Variants in ENOX2 observed in about 807,000 individuals in gnomAD.
ENOX2 encodes the protein ecto-NOX disulfide-thiol exchanger 2.
A neutral mutation model predicts 45.0 loss-of-function variants in ENOX2; 36 were observed. The ratio of observed to expected loss-of-function variants is 0.80; its 90% confidence interval spans 0.61 to 1.06. The LOEUF is 1.06. Among genes scored for constraint, ENOX2 ranks in the 50% least tolerant of loss-of-function variants. The probability of loss-of-function intolerance (pLI) is 0.00; values close to 1 mark genes in which losing one functional copy is unlikely to be tolerated. For missense variants in ENOX2, 423 were observed against 462.5 expected, an observed-to-expected ratio of 0.91 and a Z score of 0.78; for synonymous variants, 174 against 152.3, an observed-to-expected ratio of 1.14 and a Z score of -1.05.
rs767215597 is a variant in ENOX2 at position 130,790,677 on chromosome X, AC to A, written c.-182-6988del. On this transcript the variant is annotated intron_variant, in intron 2 of 14. Transcript: ENST00000394363. ...TTTCCTACCTCCACACCTTTGGCTCACACTGCTCCTCCACCTGCTTCTTAAT... is the reference window on the plus strand; with the variant it reads ...TTTCCTACCTCCACACCTTTGGCTCAACTGCTCCTCCACCTGCTTCTTAAT... 8.0e-4 allele frequency among the ~76,000 whole-genome samples: 89 copies of A among 111,879 alleles called. 1 individual carries two copies. The highest frequency in any genetic ancestry group is 1.6e-3 in the Non-Finnish European group (83 of 53,172).
intron 6 of ENOX2, among the ~76,000 whole-genome samples, chrX:130,675,872 G>C (rs1385275611): frequency 8.9e-6 from 1 of 111,787 alleles, no homozygotes; most frequent in Admixed American, 9.5e-5. Flanking sequence ...TTTGAAATAT[G>C]TTAAGATCAT....
intron 2 of ENOX2, among the ~76,000 whole-genome samples, chrX:130,846,583 C>T (rs1354073915): frequency 1.8e-5 from 2 of 112,028 alleles, no homozygotes; most frequent in African/African-American, 3.2e-5. Context: ...GTGATCTGCT[C>T]GCATCAGCCT....
chrX:130,830,608 T>C (rs2148484459), intron 2 of ENOX2, among the ~76,000 whole-genome samples: 1 of 112,465 alleles, frequency 8.9e-6, no homozygotes, highest in African/African-American at 3.2e-5. Context: ...TTTCTTCTTC[T>C]GCATCATCAT....
intron 2 of ENOX2, among the ~76,000 whole-genome samples, chrX:130,857,951 T>C (rs1036785811): frequency 2.7e-5 from 3 of 110,886 alleles, no homozygotes; most frequent in African/African-American, 9.8e-5. Flanking sequence ...AATAGATCCA[T>C]AGGGACTACT....
chrX:130,692,471 A>G (rs779135253), intron 4 of ENOX2, among the ~76,000 whole-genome samples: 21 of 110,687 alleles, frequency 1.9e-4, no homozygotes, highest in Non-Finnish European at 3.8e-4. Context: ...ATCCTGTTCT[A>G]TTTTGCTTTT....
At chrX:130,688,044 C>T (rs141345350) in intron 5 of ENOX2, among the ~76,000 whole-genome samples, 2 of 112,379 alleles carry the variant, frequency 1.8e-5, no homozygotes, top group Non-Finnish European at 3.8e-5. Flanking sequence ...AATCTTTGTA[C>T]TGCAGTGGTG....
intron 6 of ENOX2, 77 bp downstream of exon 6, chrX:130,679,465 G>A: frequency 2.3e-6 from 2 of 876,000 alleles, no homozygotes; most frequent in Non-Finnish European, 3.4e-6. Context: ...AAACTTATCT[G>A]CTATAGACAC....
chrX:130,752,364 A>G (rs1355344438), intron 3 of ENOX2, among the ~76,000 whole-genome samples: 1 of 108,212 alleles, frequency 9.2e-6, no homozygotes, highest in Non-Finnish European at 1.9e-5. Flanking sequence ...TTCTCCCTTT[A>G]TTGGTTAGTC....
At chrX:130,901,375 C>T (rs780159357) in intron 2 of ENOX2, among the ~76,000 whole-genome samples, 1 of 112,195 alleles carries the variant, frequency 8.9e-6, no homozygotes, top group Non-Finnish European at 1.9e-5. Context: ...TTAGTGTTTT[C>T]TTCTAGAAAA....
intron 3 of ENOX2, among the ~76,000 whole-genome samples, chrX:130,769,472 G>A (rs979238404): frequency 1.8e-5 from 2 of 112,266 alleles, no homozygotes. Context: ...GAAATAGGCA[G>A]TGGTACTGAT....
At chrX:130,858,723 G>A (rs968902610) in intron 2 of ENOX2, among the ~76,000 whole-genome samples, 1 of 111,480 alleles carries the variant, frequency 9.0e-6, no homozygotes, top group African/African-American at 3.3e-5. Context: ...ATATTTGAGT[G>A]CTATCAAACC....
rs1184515672 is a variant in ENOX2 at position 130,625,276 on chromosome X, A to G, written c.*38T>C. On this transcript the variant is annotated 3_prime_UTR_variant, in exon 15 of 15. Transcript: ENST00000394363. ...CACTTTCTATGCTTGTCCAACACAT[A>G]TTTATCTTCAGGATCCCAAGTTGTT... 2 of 1,192,517 alleles carry G rather than the reference A, an allele frequency of 1.7e-6. No individual in the cohort carries two copies. Among genetic ancestry groups the G allele is most frequent in the Non-Finnish European group, 2.3e-6 (2 of 883,228 alleles).
chrX:130,631,416 C>T, intron 13 of ENOX2, 52 bp downstream of exon 13: 1 of 682,547 alleles, frequency 1.5e-6, no homozygotes, highest in East Asian at 3.2e-5. Context: ...GCCCTCCTCT[C>T]CTCCATTGTA....
chrX:130,779,706 T>G (rs950145304), intron 3 of ENOX2, among the ~76,000 whole-genome samples: 2 of 111,909 alleles, frequency 1.8e-5, no homozygotes, highest in Non-Finnish European at 3.8e-5. Flanking sequence ...AATTATTCAA[T>G]CAAATATGTG....
chrX:130,856,578 G>A (rs1349646282), intron 2 of ENOX2, among the ~76,000 whole-genome samples: 4 of 110,937 alleles, frequency 3.6e-5, no homozygotes, highest in African/African-American at 9.8e-5. Flanking sequence ...AGGCTCTACT[G>A]GTCCAAAAGG....
At chrX:130,799,023 T>C (rs1013348830) in intron 2 of ENOX2, among the ~76,000 whole-genome samples, 2 of 111,955 alleles carry the variant, frequency 1.8e-5, no homozygotes, top group Non-Finnish European at 3.8e-5. Flanking sequence ...CTTGAATAGA[T>C]TGAAGGATAC....
chrX:130,859,711 G>A (rs2078378984), intron 2 of ENOX2, among the ~76,000 whole-genome samples: 1 of 111,918 alleles, frequency 8.9e-6, no homozygotes, highest in South Asian at 3.8e-4. Context: ...TGTCTGACAG[G>A]GTGGGGGATG....
At chrX:130,653,402 TGGCATACATA>T (rs1203771853) in intron 10 of ENOX2, among the ~76,000 whole-genome samples, 1 of 112,235 alleles carries the variant, frequency 8.9e-6, no homozygotes, top group Non-Finnish European at 1.9e-5. Context: ...AATCTAAGGT[TGGCATACATA>T]GCCCTCCATA....
intron 3 of ENOX2, among the ~76,000 whole-genome samples, chrX:130,718,052 CCT>C (rs1407831747): frequency 9.0e-6 from 1 of 111,188 alleles, no homozygotes; most frequent in Non-Finnish European, 1.9e-5. Flanking sequence ...CCCTCCCCTC[CCT>C]CTCTTCCTCC....
Sources: allele counts gnomAD v4.1 joint callset (sites outside exome capture counted in the v4.1 genomes callset), GRCh38; gene constraint gnomAD v4.1.1; transcripts MANE v1.5; gene names NCBI Gene and HGNC (gene_info 2026-07-23, HGNC 2026-07-21).